Variants in POLD3 observed in about 807,000 individuals in gnomAD.
The protein encoded by POLD3 is DNA polymerase delta subunit 3.
In POLD3, 19 loss-of-function variants were observed where a neutral mutation model predicts 58.2. That is an observed-to-expected ratio of 0.33 (90% confidence interval 0.23 to 0.48). POLD3 has a LOEUF of 0.48. POLD3 is among the 20% of genes least tolerant of loss of function. The pLI, the probability that POLD3 is intolerant of heterozygous loss-of-function variation, is 0.99. For synonymous variants in POLD3, 172 were observed against 193.5 expected, an observed-to-expected ratio of 0.89 and a Z score of 0.92; for missense variants, 504 against 545.5, an observed-to-expected ratio of 0.92 and a Z score of 0.76.
intron 2 of POLD3, among the ~76,000 whole-genome samples, chr11:74,597,593 T>C (rs2031321549): frequency 6.6e-6 from 1 of 152,216 alleles, no homozygotes; most frequent in African/African-American, 2.4e-5. Context: ...CCCGACTAGC[T>C]GGAACTACAG....
downstream of POLD3, among the ~76,000 whole-genome samples, chr11:74,647,342 C>T (rs1290364998): frequency 6.6e-6 from 1 of 152,206 alleles, no homozygotes; most frequent in African/African-American, 2.4e-5. Context: ...TCCCTTGTCC[C>T]TCTTAGTTGT....
In POLD3 at chr11:74,641,451, C is replaced by G. The variant is rs1041146477; in HGVS notation, c.*685C>G. On this transcript the variant is annotated 3_prime_UTR_variant, in exon 12 of 12. Coordinates refer to ENST00000263681, the MANE Select transcript of POLD3 (RefSeq NM_006591.3). ...TTAGTGGTTAGGGAAAAGCCTCAGG[C>G]AGAACACAAATAGAAATTTAATGAT... is the stretch of plus-strand genomic sequence containing the variant. 2.0e-6 allele frequency: 2 copies of G among 985,364 alleles called. No homozygotes were observed. The highest frequency in any genetic ancestry group is 9.4e-5 in the South Asian group (2 of 21,280). The allele number at this position is 985,364 out of a possible 1,614,324, so 61.0% of individuals were successfully genotyped here. A position where few individuals can be genotyped will look rare whatever the true frequency, so the allele number is the denominator to read the frequency against.
intron 2 of POLD3, among the ~76,000 whole-genome samples, chr11:74,595,670 G>A (rs996928770): frequency 3.3e-5 from 5 of 152,196 alleles, no homozygotes; most frequent in Non-Finnish European, 7.3e-5. Context: ...AAGCTGGAGT[G>A]CAGTGGTGTG....
chr11:74,602,399 C>G (rs1195330858), intron 2 of POLD3, among the ~76,000 whole-genome samples: 3 of 152,184 alleles, frequency 2.0e-5, no homozygotes, highest in Non-Finnish European at 2.9e-5. Flanking sequence ...CTGCTTTTCC[C>G]CCATCTCAGT....
At chr11:74,625,321 T>G (rs2032392482) in intron 7 of POLD3, 87 bp from the exon 8 acceptor site, 2 of 1,092,550 alleles carry the variant, frequency 1.8e-6, no homozygotes, top group Non-Finnish European at 2.6e-6. Context: ...CCTAACATAT[T>G]ACCTGGCACA....
At chr11:74,624,461 A>C (rs959950661) in intron 7 of POLD3, among the ~76,000 whole-genome samples, 1 of 152,260 alleles carries the variant, frequency 6.6e-6, no homozygotes, top group Non-Finnish European at 1.5e-5. Context: ...AGCTATGCAT[A>C]ATAGCCCAGA....
chr11:74,636,231 G>A lies in POLD3; in HGVS notation c.1154G>A (p.Arg385His), dbSNP rs200646605. 247 of 1,610,688 alleles carry A rather than the reference G, an allele frequency of 1.5e-4. No homozygotes were observed. Among genetic ancestry groups the A allele is most frequent in the Middle Eastern group, 5.0e-4 (3 of 6,058 alleles). Reference protein sequence around the residue: ...SSGENKRKRKRVLKSKTYLDG... With the variant: ...SSGENKRKRKHVLKSKTYLDG... ...GGAGAAAACAAAAGAAAACGAAAAC[G>A]CGTACTAAAATCTAAAACTTACCTG... The change falls in exon 11 of 12, where the codon CGC (arginine) becomes CAC (histidine). Residue 385 changes from arginine to histidine, a missense_variant. Coordinates refer to ENST00000263681, the MANE Select transcript of POLD3 (RefSeq NM_006591.3).
intron 4 of POLD3, among the ~76,000 whole-genome samples, chr11:74,648,180 C>T (rs2033024281): frequency 6.6e-6 from 1 of 152,208 alleles, no homozygotes. Context: ...TTACAATTGT[C>T]ATTCTCAGGT....
intron 2 of POLD3, among the ~76,000 whole-genome samples, chr11:74,600,206 C>T (rs1460834732): frequency 1.3e-5 from 2 of 152,020 alleles, no homozygotes; most frequent in Admixed American, 1.3e-4. Flanking sequence ...GGCCTCCTAA[C>T]ATGCTGGGAT....
chr11:74,634,832 T>C (rs2032701518), intron 10 of POLD3, 137 bp downstream of exon 10: 1 of 602,592 alleles, frequency 1.7e-6, no homozygotes. Context: ...TCTGCTGTCC[T>C]ACAGGTTGTA....
chr11:74,618,439 A>C, intron 5 of POLD3, 98 bp from the exon 6 acceptor site: 1 of 834,760 alleles, frequency 1.2e-6, no homozygotes. Context: ...TTTGAAAATA[A>C]AGTTTTATAC....
intron 4 of POLD3, among the ~76,000 whole-genome samples, chr11:74,653,322 T>C (rs199608007): frequency 0.061 from 592 of 9,662 alleles, 2 homozygotes; most frequent in Non-Finnish European, 0.1. Context: ...CTAAGAGAGA[T>C]ACACACACAC....
chr11:74,609,173 C>T (rs2031799032), intron 3 of POLD3, among the ~76,000 whole-genome samples: 1 of 151,544 alleles, frequency 6.6e-6, no homozygotes, highest in Non-Finnish European at 1.5e-5. Context: ...GATGCACAGT[C>T]ATCCTGTATT....
intron 2 of POLD3, among the ~76,000 whole-genome samples, chr11:74,594,611 T>C (rs764226309): frequency 8.5e-5 from 13 of 152,260 alleles, no homozygotes; most frequent in Non-Finnish European, 1.5e-4. Flanking sequence ...AACATTCATC[T>C]ATAAGTGTTT....
intron 11 of POLD3, among the ~76,000 whole-genome samples, chr11:74,639,976 C>T (rs908306561): frequency 5.9e-5 from 9 of 152,050 alleles, no homozygotes; most frequent in South Asian, 2.1e-4. Context: ...AACTAAGAAC[C>T]GAACAGTTGA....
intron 7 of POLD3, among the ~76,000 whole-genome samples, chr11:74,625,063 CTG>C (rs770252410): frequency 2.0e-5 from 3 of 152,158 alleles, no homozygotes; most frequent in Non-Finnish European, 4.4e-5. Context: ...CATTTGTAAA[CTG>C]TGTATTGTTG....
downstream of POLD3, among the ~76,000 whole-genome samples, chr11:74,644,762 T>C (rs900469775): frequency 6.6e-6 from 1 of 152,212 alleles, no homozygotes; most frequent in Non-Finnish European, 1.5e-5. Flanking sequence ...CCAGACTCCA[T>C]GTTTCTTGAG....
chr11:74,614,731 A>G (rs1352821357), intron 5 of POLD3, among the ~76,000 whole-genome samples: 3 of 150,178 alleles, frequency 2.0e-5, no homozygotes, highest in African/African-American at 4.9e-5. Context: ...ACCTCGATGT[A>G]TGGTAGTGGT....
At chr11:74,650,491 A>G (rs767104319) in intron 4 of POLD3, among the ~76,000 whole-genome samples, 1 of 152,184 alleles carries the variant, frequency 6.6e-6, no homozygotes, top group Non-Finnish European at 1.5e-5. Flanking sequence ...TATGCATTCT[A>G]TTTCCTCAAG....
Sources: gnomAD v4.1 joint callset for allele counts (sites outside exome capture counted in the v4.1 genomes callset) on GRCh38, gnomAD v4.1.1 for gene constraint, MANE v1.5 for transcripts, NCBI Gene and HGNC (gene_info 2026-07-23, HGNC 2026-07-21) for gene names.